SPOP: variants seen among roughly 807,000 people sequenced by gnomAD.
The protein encoded by SPOP is speckle type BTB/POZ protein, also known as speckle-type POZ protein.
SPOP carries 11 observed loss-of-function variants against 45.6 expected under a neutral mutation model. The observed-to-expected ratio is 0.24, with a 90% confidence interval of 0.15 to 0.40. The LOEUF is 0.40. Among genes scored for constraint, SPOP ranks in the 10% least tolerant of loss-of-function variants. The pLI is 1.00. For missense variants in SPOP, 152 were observed against 465.6 expected (o/e 0.33, Z 6.20); for synonymous variants, 166 against 166.3 (o/e 1.00, Z 0.01).
At chr17:49,672,715 C>T (rs975141277) in intron 1 of SPOP, among the ~76,000 whole-genome samples, 1 of 151,428 alleles carries the variant, frequency 6.6e-6, no homozygotes, top group East Asian at 1.9e-4. Flanking sequence ...GGGAGGCCGA[C>T]GCAGGCCAAT....
intron 1 of SPOP, among the ~76,000 whole-genome samples, chr17:49,665,978 CAAA>C (rs771605545): frequency 4.8e-5 from 3 of 62,712 alleles, no homozygotes; most frequent in Non-Finnish European, 3.3e-5. Flanking sequence ...GACTCCATCT[CAAA>C]AAAAAAAAAA....
At chr17:49,670,029 A>G (rs1050860201) in intron 1 of SPOP, among the ~76,000 whole-genome samples, 3 of 152,194 alleles carry the variant, frequency 2.0e-5, no homozygotes, top group Non-Finnish European at 4.4e-5. Context: ...TAGAAAATCA[A>G]AAGTCAAGAA....
Position 49,601,973 on chromosome 17 carries a change from T to C in SPOP, c.872A>G (p.Asp291Gly). The change falls in exon 9 of 10, where the codon GAT (aspartate) becomes GGT (glycine). Residue 291 changes from aspartate to glycine, a missense_variant. Transcript: ENST00000504102. ...ALERLKVMCE[D>G]ALCSNLSVEN... is the part of the protein sequence containing the mutation. The stretch of plus-strand genomic sequence containing the variant: ...CACGGACAGGTTACTGCAGAGGGCA[T>C]CCTCACACATGACCTTTAAGCGCTC... 1.2e-6 allele frequency: 2 copies of C among 1,614,166 alleles called. No homozygotes were observed. The highest frequency in any genetic ancestry group is 1.7e-6 in the Non-Finnish European group (2 of 1,179,994).
chr17:49,653,216 T>C (rs2072864809), intron 1 of SPOP, among the ~76,000 whole-genome samples: 1 of 152,176 alleles, frequency 6.6e-6, no homozygotes, highest in African/African-American at 2.4e-5. Context: ...CTTTTCTTCA[T>C]ATATGCATTT....
chr17:49,617,943 A>G (rs1340267133), intron 5 of SPOP, among the ~76,000 whole-genome samples: 1 of 151,282 alleles, frequency 6.6e-6, no homozygotes, highest in Non-Finnish European at 1.5e-5. Context: ...AAAAAAAAAA[A>G]GAAAGAAAGC....
intron 6 of SPOP, among the ~76,000 whole-genome samples, chr17:49,609,817 G>C (rs1167929215): frequency 6.6e-6 from 1 of 151,886 alleles, no homozygotes; most frequent in Non-Finnish European, 1.5e-5. Flanking sequence ...ACAGGCTGAA[G>C]GTGAAGAGGC....
intron 1 of SPOP, among the ~76,000 whole-genome samples, chr17:49,635,194 C>T (rs2072520336): frequency 6.6e-6 from 1 of 152,172 alleles, no homozygotes; most frequent in East Asian, 1.9e-4. Flanking sequence ...GTTAATGTTA[C>T]AGTTCTAAGT....
chr17:49,632,649 T>A (rs1023200238), intron 1 of SPOP, among the ~76,000 whole-genome samples: 2 of 152,134 alleles, frequency 1.3e-5, no homozygotes, highest in Non-Finnish European at 2.9e-5. Flanking sequence ...CCCACCAACA[T>A]GCCCAGGTAA....
chr17:49,616,816 G>A (rs1244661334), intron 5 of SPOP, among the ~76,000 whole-genome samples: 1 of 152,194 alleles, frequency 6.6e-6, no homozygotes, highest in Admixed American at 6.5e-5. Context: ...AGAAACCGAT[G>A]GCATCAGCAG....
chr17:49,614,758 C>A (rs1298977468), intron 5 of SPOP, among the ~76,000 whole-genome samples: 1 of 150,832 alleles, frequency 6.6e-6, no homozygotes, highest in Non-Finnish European at 1.5e-5. Flanking sequence ...TGAATAGATT[C>A]ATTTATTTAA....
At chr17:49,655,961 C>A (rs535886254) in intron 1 of SPOP, among the ~76,000 whole-genome samples, 64 of 152,244 alleles carry the variant, frequency 4.2e-4, no homozygotes, top group Admixed American at 1.2e-3. Flanking sequence ...CAGGCATGCG[C>A]CACCATGCCC....
intron 5 of SPOP, chr17:49,612,922 T>TAAA (rs2072005558): frequency 6.6e-6 from 1 of 152,208 alleles, no homozygotes; most frequent in Non-Finnish European, 1.5e-5. Flanking sequence ...AGAGGCAAAG[T>TAAA]TAATGACCTG....
intron 5 of SPOP, among the ~76,000 whole-genome samples, chr17:49,611,884 C>G (rs1346206881): frequency 1.2e-5 from 1 of 85,210 alleles, no homozygotes; most frequent in African/African-American, 6.5e-5. Context: ...AGAATCTGAT[C>G]ACTTTTTTTT....
In SPOP at chr17:49,600,210, C is replaced by A; in HGVS notation, c.*168G>T. 1 of 866,378 alleles carries A rather than the reference C, an allele frequency of 1.2e-6. No individual in the cohort carries two copies. The highest frequency in any genetic ancestry group is 1.8e-6 in the Non-Finnish European group (1 of 555,704). The allele number at this position is 866,378 out of a possible 1,614,324, so 53.7% of individuals were successfully genotyped here. A position where few individuals can be genotyped will look rare whatever the true frequency, so the allele number is the denominator to read the frequency against. On this transcript the variant is annotated 3_prime_UTR_variant, in exon 10 of 10. Transcript: ENST00000504102. This position sits in a 1 kb window ranked among gnomAD's most constrained non-coding sequence, Gnocchi z 4.2. ...CATTTCATTTTCCCTCCCCCCGTTT[C>A]CCCCAAGTTATTTAGTGCTGTTTTA...
chr17:49,669,083 T>A (rs1320938216), intron 1 of SPOP, among the ~76,000 whole-genome samples: 1 of 149,412 alleles, frequency 6.7e-6, no homozygotes, highest in Non-Finnish European at 1.5e-5. Flanking sequence ...GCCTTTTTTT[T>A]TTGAGATGAG....
rs2071717680 is a variant in SPOP, at chr17:49,600,358, G to A, written c.*20C>T. 1.2e-6 allele frequency: 2 copies of A among 1,613,562 alleles called. No homozygotes were observed. Among genetic ancestry groups the A allele is most frequent in the African/African-American group, 1.3e-5 (1 of 75,006 alleles). On this transcript the variant is annotated 3_prime_UTR_variant, in exon 10 of 10. Coordinates refer to ENST00000504102, the MANE Select transcript of SPOP (RefSeq NM_001007228.2). The surrounding 1 kb of genome is among the most constrained non-coding windows in gnomAD (Gnocchi z 4.2). Reference sequence around the variant, plus strand: ...CTGCTGCTTCTGGAAATTAAACGGAGTCTTACAACAAGCAGGATCTTAGGA... The same window carrying A: ...CTGCTGCTTCTGGAAATTAAACGGAATCTTACAACAAGCAGGATCTTAGGA...
At chr17:49,649,003 A>C (rs1400566771) in intron 1 of SPOP, among the ~76,000 whole-genome samples, 1 of 151,978 alleles carries the variant, frequency 6.6e-6, no homozygotes, top group East Asian at 2.0e-4. Context: ...ATGATCCGCC[A>C]GCCTTGGCCT....
intron 1 of SPOP, among the ~76,000 whole-genome samples, chr17:49,662,666 G>A (rs1382142406): frequency 3.3e-5 from 5 of 150,676 alleles, no homozygotes; most frequent in African/African-American, 4.9e-5. Context: ...CAGCCTGGGC[G>A]ACAGGGGGAG....
At chr17:49,671,708 T>A (rs989356266) in intron 1 of SPOP, among the ~76,000 whole-genome samples, 2 of 152,208 alleles carry the variant, frequency 1.3e-5, no homozygotes, top group Non-Finnish European at 2.9e-5. Context: ...AATTTTTTAG[T>A]AGAAATTATA....
Sources: allele counts gnomAD v4.1 joint callset (sites outside exome capture counted in the v4.1 genomes callset), GRCh38; gene constraint gnomAD v4.1.1; non-coding constraint Gnocchi (gnomAD v3.1); transcripts MANE v1.5; gene names NCBI Gene and HGNC (gene_info 2026-07-23, HGNC 2026-07-21).